The following NR2F1-AS1 variants were observed in gnomAD, a reference collection of about 807,000 sequenced individuals.
The protein encoded by NR2F1-AS1 is NR2F1 regulatory antisense RNA 1.
chr5:93,532,426 G>T (rs1580309257), intron 4 of NR2F1-AS1, among the ~76,000 whole-genome samples: 1 of 151,992 alleles, frequency 6.6e-6, no homozygotes, highest in Non-Finnish European at 1.5e-5. Context: ...AGAGGGAGGG[G>T]ATTGTGCAAT....
At chr5:93,547,843 G>T (rs961338472) in intron 4 of NR2F1-AS1, among the ~76,000 whole-genome samples, 8 of 152,132 alleles carry the variant, frequency 5.3e-5, no homozygotes, top group Admixed American at 4.6e-4. Context: ...TGTAATGTTG[G>T]TGATATGATG....
chr5:93,481,744 T>C (rs777491924), intron 4 of NR2F1-AS1, among the ~76,000 whole-genome samples: 6 of 151,502 alleles, frequency 4.0e-5, no homozygotes, highest in Non-Finnish European at 7.4e-5. Flanking sequence ...TAGAAATAAA[T>C]AAAAGAAGGA....
At chr5:93,434,544 A>T (rs547427076) in intron 4 of NR2F1-AS1, among the ~76,000 whole-genome samples, 9 of 152,192 alleles carry the variant, frequency 5.9e-5, no homozygotes, top group Non-Finnish European at 1.2e-4. Context: ...CATTACCTGT[A>T]AGCAGTTCTG....
intron 4 of NR2F1-AS1, among the ~76,000 whole-genome samples, chr5:93,514,673 C>T (rs766747335): frequency 7.2e-5 from 11 of 152,004 alleles, no homozygotes; most frequent in Admixed American, 1.3e-4. Context: ...TGCTGATGCA[C>T]TGAATCTGTA....
At chr5:93,498,970 T>C (rs115691342) in intron 4 of NR2F1-AS1, among the ~76,000 whole-genome samples, 1 of 152,054 alleles carries the variant, frequency 6.6e-6, no homozygotes. Flanking sequence ...TTCCTCTACA[T>C]AAATTTATTT....
chr5:93,582,284 A>AAG (rs1753119015), upstream of NR2F1-AS1, among the ~76,000 whole-genome samples: 1 of 151,756 alleles, frequency 6.6e-6, no homozygotes, highest in African/African-American at 2.4e-5. Flanking sequence ...AAAAAAAAAA[A>AAG]AAGAAGAAGG....
intron 4 of NR2F1-AS1, among the ~76,000 whole-genome samples, chr5:93,461,252 T>G (rs1312240929): frequency 1.3e-5 from 2 of 152,200 alleles, no homozygotes; most frequent in Non-Finnish European, 1.5e-5. Context: ...AAATACCACA[T>G]GTTCTCACTT....
chr5:93,543,223 C>G (rs560815814), intron 4 of NR2F1-AS1: 1 of 152,246 alleles, frequency 6.6e-6, no homozygotes, highest in African/African-American at 2.4e-5. Context: ...ACCAAGCATA[C>G]AAGGAAACAA....
intron 4 of NR2F1-AS1, among the ~76,000 whole-genome samples, chr5:93,533,357 C>T (rs1580309999): frequency 6.6e-6 from 1 of 152,146 alleles, no homozygotes; most frequent in South Asian, 2.1e-4. Flanking sequence ...CCTAGCCGCA[C>T]TCAAAACATA....
At chr5:93,526,135 A>T (rs1378917962) in intron 4 of NR2F1-AS1, among the ~76,000 whole-genome samples, 1 of 152,208 alleles carries the variant, frequency 6.6e-6, no homozygotes, top group Non-Finnish European at 1.5e-5. Context: ...GAAAAGAGAG[A>T]AGAATCAAAT....
intron 4 of NR2F1-AS1, among the ~76,000 whole-genome samples, chr5:93,546,432 G>A (rs1752089138): frequency 6.6e-6 from 1 of 152,116 alleles, no homozygotes; most frequent in Non-Finnish European, 1.5e-5. Context: ...ATTATCATAA[G>A]ATTTATGTAA....
At chr5:93,507,541 A>G (rs567392789) in intron 4 of NR2F1-AS1, among the ~76,000 whole-genome samples, 11 of 152,134 alleles carry the variant, frequency 7.2e-5, no homozygotes, top group African/African-American at 2.7e-4. Flanking sequence ...TATTTTTAGT[A>G]GACACGAGGT....
intron 4 of NR2F1-AS1, among the ~76,000 whole-genome samples, chr5:93,428,328 C>T (rs1223626475): frequency 6.6e-6 from 1 of 152,118 alleles, no homozygotes; most frequent in Middle Eastern, 3.2e-3. Flanking sequence ...TCATTAGACA[C>T]CAATATTTGA....
At chr5:93,502,705 C>T (rs1001438664) in intron 4 of NR2F1-AS1, among the ~76,000 whole-genome samples, 2 of 152,036 alleles carry the variant, frequency 1.3e-5, no homozygotes, top group Non-Finnish European at 2.9e-5. Context: ...CTGCCAAAAG[C>T]TCTGGGTAGG....
intron 4 of NR2F1-AS1, among the ~76,000 whole-genome samples, chr5:93,502,306 T>C (rs561244826): frequency 1.3e-4 from 20 of 152,260 alleles, no homozygotes; most frequent in African/African-American, 4.8e-4. Context: ...AACATGACAG[T>C]GAACTGCGCT....
At chr5:93,422,835 TC>T (rs889538210) in intron 4 of NR2F1-AS1, among the ~76,000 whole-genome samples, 4 of 152,196 alleles carry the variant, frequency 2.6e-5, no homozygotes, top group Admixed American at 2.6e-4. Flanking sequence ...GGAACAATTT[TC>T]CTCAGCTGGA....
chr5:93,479,468 G>GT (rs796243719), intron 4 of NR2F1-AS1, among the ~76,000 whole-genome samples: 1 of 152,298 alleles, frequency 6.6e-6, no homozygotes, highest in Non-Finnish European at 1.5e-5. Flanking sequence ...AAGGAATATA[G>GT]TTTTTTCAAA....
intron 4 of NR2F1-AS1, among the ~76,000 whole-genome samples, chr5:93,489,014 C>T (rs1415836824): frequency 2.0e-5 from 3 of 152,042 alleles, no homozygotes; most frequent in African/African-American, 7.2e-5. Flanking sequence ...AACCAAACAC[C>T]ACATATTCTC....
At chr5:93,534,723 A>G (rs1008342222) in intron 4 of NR2F1-AS1, among the ~76,000 whole-genome samples, 11 of 152,306 alleles carry the variant, frequency 7.2e-5, no homozygotes, top group African/African-American at 2.4e-4. Context: ...GAAGTAGATC[A>G]TCCAGGAAAC....
Sources: allele counts gnomAD v4.1 joint callset (sites outside exome capture counted in the v4.1 genomes callset), GRCh38; gene constraint gnomAD v4.1.1; transcripts MANE v1.5; gene names NCBI Gene and HGNC (gene_info 2026-07-23, HGNC 2026-07-21).